Variants in PRKG1 observed in about 807,000 individuals in gnomAD.
PRKG1 encodes cGMP-dependent protein kinase 1.
A neutral mutation model predicts 88.1 loss-of-function variants in PRKG1; 35 were observed. That is an observed-to-expected ratio of 0.40 (90% CI 0.30 to 0.53). PRKG1 has a LOEUF of 0.53. Among genes scored for constraint, PRKG1 ranks in the 20% least tolerant of loss-of-function variants. The probability of loss-of-function intolerance (pLI) is 0.59; values close to 1 mark genes in which losing one functional copy is unlikely to be tolerated. For synonymous variants in PRKG1, 303 were observed against 292.5 expected, an observed-to-expected ratio of 1.04 and a Z score of -0.37; for missense variants, 540 against 839.8, an observed-to-expected ratio of 0.64 and a Z score of 4.41.
chr10:51,021,604 G>T (rs1843137917), intron 1 of PRKG1, among the ~76,000 whole-genome samples: 1 of 152,020 alleles, frequency 6.6e-6, no homozygotes, highest in African/African-American at 2.4e-5. Context: ...GTAGATAAAA[G>T]GTAGAATTTT....
At chr10:51,109,421 G>GC (rs1029329636) in intron 1 of PRKG1, among the ~76,000 whole-genome samples, 11 of 151,774 alleles carry the variant, frequency 7.2e-5, no homozygotes, top group South Asian at 4.2e-4. Context: ...ACCGACAACT[G>GC]CCCCCCCAAC....
At chr10:51,527,053 T>A (rs947718084) in intron 3 of PRKG1, among the ~76,000 whole-genome samples, 2 of 152,204 alleles carry the variant, frequency 1.3e-5, no homozygotes, top group Non-Finnish European at 2.9e-5. Flanking sequence ...AGAAAATACA[T>A]ACATGAAGAA....
chr10:51,130,772 A>T (rs1324275713), intron 1 of PRKG1, among the ~76,000 whole-genome samples: 1 of 151,966 alleles, frequency 6.6e-6, no homozygotes. Context: ...GCATGGTGGC[A>T]GGCACCTGTA....
chr10:51,731,968 C>G (rs974771501), intron 3 of PRKG1, among the ~76,000 whole-genome samples: 1 of 152,006 alleles, frequency 6.6e-6, no homozygotes, highest in Non-Finnish European at 1.5e-5. Context: ...CCCCTGGGGT[C>G]TTTCTCTGTG....
intron 7 of PRKG1, among the ~76,000 whole-genome samples, chr10:52,108,825 CTTTT>C (rs61504053): frequency 2.4e-5 from 3 of 122,734 alleles, no homozygotes; most frequent in Non-Finnish European, 3.4e-5. Context: ...ACAAGTATTC[CTTTT>C]TTTTTTTTTT....
intron 7 of PRKG1, among the ~76,000 whole-genome samples, chr10:52,065,815 C>T (rs775527892): frequency 3.3e-5 from 5 of 151,954 alleles, no homozygotes; most frequent in South Asian, 2.1e-4. Context: ...TTAAATGTGT[C>T]AAAAGATGGC....
intron 2 of PRKG1, among the ~76,000 whole-genome samples, chr10:51,462,051 T>C (rs1370128996): frequency 6.6e-6 from 1 of 152,206 alleles, no homozygotes; most frequent in Admixed American, 6.5e-5. Context: ...ATATTGAAAG[T>C]TCCTTTTGAA....
chr10:51,142,917 A>G (rs1845855367), intron 1 of PRKG1, among the ~76,000 whole-genome samples: 1 of 152,132 alleles, frequency 6.6e-6, no homozygotes, highest in Non-Finnish European at 1.5e-5. Flanking sequence ...ATATATATGC[A>G]TTTACAATGG....
rs144317917 is a variant in PRKG1, at chr10:51,894,920, T to C, written c.699-12587T>C. On this transcript the variant is annotated intron_variant, in intron 4 of 17. Coordinates refer to ENST00000373980, the MANE Select transcript of PRKG1 (RefSeq NM_006258.4). ...ATTTGTATGTTAGAGATGAGAACACTGAGTTTCAGTGAGTTAGTGTTGCCT... is the reference window on the plus strand; with the variant it reads ...ATTTGTATGTTAGAGATGAGAACACCGAGTTTCAGTGAGTTAGTGTTGCCT... Among the ~76,000 whole-genome samples, 720 of 152,326 alleles carry C rather than the reference T, an allele frequency of 4.7e-3. 2 individuals carry two copies. Among genetic ancestry groups the C allele is most frequent in the Non-Finnish European group, 8.1e-3 (550 of 68,028 alleles).
At chr10:51,763,583 T>C (rs1838079810) in intron 3 of PRKG1, among the ~76,000 whole-genome samples, 1 of 142,498 alleles carries the variant, frequency 7.0e-6, no homozygotes, top group African/African-American at 2.7e-5. Flanking sequence ...ATGTAAAATT[T>C]GGAAAATACT....
intron 3 of PRKG1, among the ~76,000 whole-genome samples, chr10:51,612,815 G>T (rs936731017): frequency 3.3e-5 from 5 of 151,920 alleles, no homozygotes; most frequent in African/African-American, 9.7e-5. Context: ...TTTGGTGATA[G>T]TTTTTATCAT....
intron 3 of PRKG1, among the ~76,000 whole-genome samples, chr10:51,750,547 TGTACTTTTGCTATTAGGC>T (rs1201263475): frequency 1.3e-5 from 2 of 152,090 alleles, no homozygotes; most frequent in Non-Finnish European, 2.9e-5. Flanking sequence ...TGGGAAAAAA[TGTACTTTTGCTATTAGGC>T]GTTTACTGTT....
intron 5 of PRKG1, among the ~76,000 whole-genome samples, chr10:52,044,391 G>A (rs752604393): frequency 1.2e-4 from 18 of 151,942 alleles, no homozygotes; most frequent in African/African-American, 1.7e-4. Flanking sequence ...TTTTAAAAAC[G>A]TACTAGTACT....
intron 1 of PRKG1, among the ~76,000 whole-genome samples, chr10:50,993,939 A>G (rs1481239850): frequency 2.0e-5 from 3 of 152,174 alleles, no homozygotes; most frequent in Non-Finnish European, 4.4e-5. Flanking sequence ...TTTTCATGTT[A>G]GGGGTAGGAA....
chr10:52,189,821 G>C lies in PRKG1; in HGVS notation c.1076+27858G>C, dbSNP rs116284267. Among the ~76,000 whole-genome samples the C allele has an allele frequency of 4.1e-3, 622 of 152,266 alleles. 4 individuals are homozygous for C. Among genetic ancestry groups the C allele is most frequent in the African/African-American group, 0.014 (590 of 41,560 alleles). ...GATCAGGTTGTAATATTTGCATTCTGTTTACAGATGCAAGGAAAGCAAAAA... is the reference window on the plus strand; with the variant it reads ...GATCAGGTTGTAATATTTGCATTCTCTTTACAGATGCAAGGAAAGCAAAAA... On this transcript the variant is annotated intron_variant, in intron 9 of 17. Transcript: ENST00000373980.
chr10:51,536,097 TA>T (rs1461388717), intron 3 of PRKG1, among the ~76,000 whole-genome samples: 3 of 152,098 alleles, frequency 2.0e-5, no homozygotes, highest in African/African-American at 7.2e-5. Flanking sequence ...GTCCAGGTCA[TA>T]GGGGGTATGA....
chr10:52,240,121 T>C (rs573305258), intron 9 of PRKG1, among the ~76,000 whole-genome samples: 1 of 152,348 alleles, frequency 6.6e-6, no homozygotes, highest in Admixed American at 6.5e-5. Flanking sequence ...ATTTTGTTTC[T>C]GTCATCTCCT....
intron 3 of PRKG1, among the ~76,000 whole-genome samples, chr10:51,617,105 G>A (rs1040797722): frequency 6.6e-6 from 1 of 152,062 alleles, no homozygotes; most frequent in Non-Finnish European, 1.5e-5. Flanking sequence ...TGTTAGTTTT[G>A]AGACCCATGA....
At chr10:51,903,737 A>C (rs1211083646) in intron 4 of PRKG1, among the ~76,000 whole-genome samples, 1 of 152,160 alleles carries the variant, frequency 6.6e-6, no homozygotes, top group Non-Finnish European at 1.5e-5. Context: ...CTAAAAGAGT[A>C]AAGTGTTGTT....
Sources: gnomAD v4.1 joint callset for allele counts (sites outside exome capture counted in the v4.1 genomes callset) on GRCh38, gnomAD v4.1.1 for gene constraint, MANE v1.5 for transcripts, NCBI Gene and HGNC (gene_info 2026-07-23, HGNC 2026-07-21) for gene names.